NFASC: variants seen among roughly 807,000 people sequenced by gnomAD.
NFASC encodes neurofascin.
A neutral mutation model predicts 147.5 loss-of-function variants in NFASC; 43 were observed. That is an observed-to-expected ratio of 0.29 (90% CI 0.23 to 0.38). The LOEUF (loss-of-function observed/expected upper bound fraction) is 0.38, where lower values mean the gene tolerates loss of function less well. Ranked by LOEUF, NFASC falls within the 10% of genes least tolerant of loss-of-function variation. NFASC has a pLI of 1.00. For missense variants in NFASC, 1,320 were observed against 1,689.0 expected (o/e 0.78, Z 3.83); for synonymous variants, 622 against 665.5 (o/e 0.93, Z 1.01).
chr1:204,996,663 G>T (rs1008167894), intron 24 of NFASC, among the ~76,000 whole-genome samples: 2 of 152,200 alleles, frequency 1.3e-5, no homozygotes, highest in African/African-American at 2.4e-5. Flanking sequence ...GCTCATGCAG[G>T]CATGACAAAG....
chr1:204,940,200 C>T (rs2093261195), intron 2 of NFASC, among the ~76,000 whole-genome samples: 1 of 152,188 alleles, frequency 6.6e-6, no homozygotes, highest in Non-Finnish European at 1.5e-5. Context: ...CACCTATAAT[C>T]CCAACACTTT....
At chr1:204,893,780 C>A (rs947265368) in intron 1 of NFASC, among the ~76,000 whole-genome samples, 1 of 152,212 alleles carries the variant, frequency 6.6e-6, no homozygotes, top group African/African-American at 2.4e-5. Flanking sequence ...AGCTTCTCCC[C>A]CTTTGCCTCT....
chr1:204,944,199 C>T, intron 2 of NFASC, 27 bp from the exon 3 acceptor site: 1 of 1,540,810 alleles, frequency 6.5e-7, no homozygotes. Flanking sequence ...ATGAAAAACT[C>T]ACTTGCTCTT....
At position 205,016,775 on chromosome 1, in the gene NFASC, C is replaced by T; in HGVS notation, c.*236C>T. 2 of 594,606 alleles carry T rather than the reference C, an allele frequency of 3.4e-6. No individual in the cohort carries two copies. The highest frequency in any genetic ancestry group is 2.3e-5 in the Admixed American group (1 of 43,878). The allele number at this position is 594,606 out of a possible 1,614,324, so 36.8% of individuals were successfully genotyped here. ...TGGGAGAGCTGGAGCCGTGGCTGAG[C>T]TCAGCTGGAGGGAGCCTGGCCCCTT... On this transcript the variant is annotated 3_prime_UTR_variant, in exon 30 of 30. Transcript: ENST00000339876. This position sits in a 1 kb window ranked among gnomAD's most constrained non-coding sequence, Gnocchi z 5.1.
rs2095388962 is a variant in NFASC, at chr1:204,975,800, C to T, written c.1706+382C>T. Among the ~76,000 whole-genome samples the T allele has an allele frequency of 6.6e-6, 1 of 152,140 alleles. No individual in the cohort carries two copies. Among genetic ancestry groups the T allele is most frequent in the Non-Finnish European group, 1.5e-5 (1 of 68,010 alleles). ...GGCTCCAGCCTTTCAGCCCTATTTGCAGTACCCCTAATCTTCAGCAGAGGG... is the reference window on the plus strand; with the variant it reads ...GGCTCCAGCCTTTCAGCCCTATTTGTAGTACCCCTAATCTTCAGCAGAGGG... On this transcript the variant is annotated intron_variant, in intron 15 of 29. Coordinates refer to ENST00000339876, the MANE Select transcript of NFASC (RefSeq NM_001005388.3). The surrounding 1 kb of genome is among the most constrained non-coding windows in gnomAD (Gnocchi z 4.0).
chr1:204,952,301 C>T (rs771059158), intron 5 of NFASC, among the ~76,000 whole-genome samples, 185 bp downstream of exon 5: 29 of 152,282 alleles, frequency 1.9e-4, no homozygotes, highest in Non-Finnish European at 3.7e-4. Flanking sequence ...AAACTGGAGA[C>T]CAGAAAACAA....
intron 29 of NFASC, among the ~76,000 whole-genome samples, chr1:205,013,429 A>C (rs187964511): frequency 1.1e-3 from 172 of 152,324 alleles, no homozygotes; most frequent in African/African-American, 3.9e-3. Context: ...CTTCTGGTCC[A>C]GTGCCCTATG....
At chr1:204,969,128 G>A (rs912123418) in intron 10 of NFASC, 146 bp downstream of exon 10, 12 of 725,388 alleles carry the variant, frequency 1.7e-5, no homozygotes, top group Non-Finnish European at 2.5e-5. Context: ...GCCATGGATG[G>A]TGTCACTCGC....
At chr1:204,851,255 AAT>A (rs2075661199) in intron 1 of NFASC, among the ~76,000 whole-genome samples, 1 of 152,204 alleles carries the variant, frequency 6.6e-6, no homozygotes, top group Non-Finnish European at 1.5e-5. Context: ...CATTTGATGA[AAT>A]TATTGTAATA....
At chr1:205,006,362 A>C (rs956742869) in intron 27 of NFASC, among the ~76,000 whole-genome samples, 7 of 152,256 alleles carry the variant, frequency 4.6e-5, no homozygotes, top group African/African-American at 1.7e-4. Context: ...CCCAGGAAAT[A>C]GAACAATTAA....
rs1432748897 is a variant in NFASC at position 204,952,134 on chromosome 1, A to T, written c.215+18A>T. The T allele has an allele frequency of 1.9e-6, 3 of 1,580,684 alleles. No individual in the cohort carries two copies. In the African/African-American group the frequency reaches 4.0e-5, roughly 21 times the overall value. On this transcript the variant is annotated intron_variant, in intron 5 of 29. Coordinates refer to ENST00000339876, the MANE Select transcript of NFASC (RefSeq NM_001005388.3). ...GCCCCCAGGTGAGTGAAGGGGAAAA[A>T]GAGTGCATTGAAACCACCCGCTTGC...
At chr1:204,995,193 A>T (rs951075957) in intron 24 of NFASC, among the ~76,000 whole-genome samples, 1 of 152,190 alleles carries the variant, frequency 6.6e-6, no homozygotes, top group Non-Finnish European at 1.5e-5. Context: ...TGCCAGCAGC[A>T]CAGAGCAGCG....
intron 1 of NFASC, 129 bp downstream of exon 1, chr1:204,828,911 C>T: frequency 5.9e-6 from 3 of 506,268 alleles, no homozygotes; most frequent in Non-Finnish European, 7.7e-6. Flanking sequence ...GTCCACATTC[C>T]CATCCCTTCC....
At chr1:205,002,833 G>C in intron 27 of NFASC, 85 bp downstream of exon 27, 1 of 1,123,360 alleles carries the variant, frequency 8.9e-7, no homozygotes, top group Admixed American at 2.8e-5. Context: ...CTCTCTCCTC[G>C]GAAAGAAGAC....
chr1:204,979,041 CG>C lies in NFASC; in HGVS notation c.1954del (p.Asp652MetfsTer83). 1 of 1,564,180 alleles carries C rather than the reference CG, an allele frequency of 6.4e-7. No individual in the cohort carries two copies. The highest frequency in any genetic ancestry group is 8.7e-7 in the Non-Finnish European group (1 of 1,153,456). On this transcript the variant is annotated frameshift_variant, in exon 18 of 30. Transcript: ENST00000339876. LOFTEE classifies it high-confidence loss of function. The surrounding 1 kb of genome is among the most constrained non-coding windows in gnomAD (Gnocchi z 6.0). ...GGAGCGTGCGGCTGACCTGGATCCC[CG>C]GGGATGCTAACAACAGCCCCATCAC... is the stretch of plus-strand genomic sequence containing the variant. ...ERSVRLTWIPGDANNSPITDY... is the reference protein window; with the variant it reads ...ERSVRLTWIPXDANNSPITDY...
At chr1:204,871,831 G>A (rs1433412310) in intron 1 of NFASC, among the ~76,000 whole-genome samples, 1 of 152,192 alleles carries the variant, frequency 6.6e-6, no homozygotes, top group Non-Finnish European at 1.5e-5. Context: ...TGTTCACTTT[G>A]ACCTTTGGAG....
intron 1 of NFASC, among the ~76,000 whole-genome samples, chr1:204,888,384 G>C (rs548568529): frequency 1.3e-5 from 2 of 152,312 alleles, no homozygotes; most frequent in Non-Finnish European, 2.9e-5. Context: ...AATGGAATGA[G>C]TGTTCCCATG....
chr1:204,950,630 C>T, intron 4 of NFASC, 56 bp downstream of exon 4: 2 of 1,544,702 alleles, frequency 1.3e-6, no homozygotes. Flanking sequence ...AGGAATGAGG[C>T]ATGAGGTGAT....
intron 1 of NFASC, among the ~76,000 whole-genome samples, chr1:204,835,224 T>G (rs1673370006): frequency 2.1e-5 from 3 of 140,464 alleles, no homozygotes; most frequent in African/African-American, 8.1e-5. Flanking sequence ...TTTTTTTTTT[T>G]TTTTTTTTTT....
Sources: gnomAD v4.1 joint callset for allele counts (sites outside exome capture counted in the v4.1 genomes callset) on GRCh38, gnomAD v4.1.1 for gene constraint, Gnocchi (gnomAD v3.1) non-coding constraint, MANE v1.5 for transcripts, NCBI Gene and HGNC (gene_info 2026-07-23, HGNC 2026-07-21) for gene names.